Variants in LRRK2 observed in about 807,000 individuals in gnomAD.
LRRK2 encodes the protein leucine rich repeat kinase 2, also known as leucine-rich repeat serine/threonine-protein kinase 2.
LRRK2 carries 203 observed loss-of-function variants against 302.6 expected under a neutral mutation model. The observed-to-expected ratio is 0.67, with a 90% CI of 0.60 to 0.75. The LOEUF (loss-of-function observed/expected upper bound fraction) is 0.75. Among genes scored for constraint, LRRK2 ranks in the 30% least tolerant of loss-of-function variants. LRRK2 has a pLI of 0.00. For missense variants in LRRK2, 2,830 were observed against 2,951.0 expected (o/e 0.96, Z 0.95); for synonymous variants, 1,066 against 1,031.9 (o/e 1.03, Z -0.63).
At chr12:40,247,604 A>G (rs1381971058) in intron 7 of LRRK2, among the ~76,000 whole-genome samples, 1 of 145,704 alleles carries the variant, frequency 6.9e-6, no homozygotes, top group African/African-American at 2.5e-5. Context: ...ATAAATATAC[A>G]TATTTATACA....
intron 25 of LRRK2, 82 bp downstream of exon 25, chr12:40,299,339 G>T: frequency 6.9e-7 from 1 of 1,458,106 alleles, no homozygotes; most frequent in South Asian, 1.2e-5. Context: ...TTTAGTTGTG[G>T]ATTTAAAAGT....
At chr12:40,326,657 G>A (rs751725853) in intron 38 of LRRK2, among the ~76,000 whole-genome samples, 1 of 151,910 alleles carries the variant, frequency 6.6e-6, no homozygotes, top group South Asian at 2.1e-4. Context: ...CTCTCCGACC[G>A]ATTCTCTCCC....
At chr12:40,292,032 C>T (rs1453828670) in intron 20 of LRRK2, among the ~76,000 whole-genome samples, 3 of 152,070 alleles carry the variant, frequency 2.0e-5, no homozygotes, top group Non-Finnish European at 4.4e-5. Context: ...TAGCGCAGAT[C>T]TTCCAGAAAC....
intron 14 of LRRK2, among the ~76,000 whole-genome samples, chr12:40,267,392 A>G (rs1035130301): frequency 6.6e-6 from 1 of 152,210 alleles, no homozygotes; most frequent in African/African-American, 2.4e-5. Flanking sequence ...ACATAGTTTA[A>G]GTACGTAGAG....
At chr12:40,272,270 T>G (rs529767333) in intron 14 of LRRK2, among the ~76,000 whole-genome samples, 1 of 152,048 alleles carries the variant, frequency 6.6e-6, no homozygotes, top group African/African-American at 2.4e-5. Flanking sequence ...ACAATCTGAC[T>G]TTTTTTTGTA....
intron 8 of LRRK2, among the ~76,000 whole-genome samples, chr12:40,251,011 T>TTG (rs1186227311): frequency 6.6e-6 from 1 of 151,662 alleles, no homozygotes; most frequent in Non-Finnish European, 1.5e-5. Context: ...GGTTTTTTTT[T>TTG]TTTTTGGTAC....
In LRRK2 at chr12:40,360,673, A is replaced by G. The variant is rs186907229; in HGVS notation, c.7028+1229A>G. On this transcript the variant is annotated intron_variant, in intron 47 of 50. Transcript: ENST00000298910. ...TGGTATCCCATTGTCCTTTATATGAAGTCCAAATTCCTTAAGACAGCCTAC... is the reference window on the plus strand; with the variant it reads ...TGGTATCCCATTGTCCTTTATATGAGGTCCAAATTCCTTAAGACAGCCTAC... Among the ~76,000 whole-genome samples the G allele has an allele frequency of 1.2e-3, 190 of 152,254 alleles. 1 individual carries two copies. The highest frequency in any genetic ancestry group is 4.1e-3 in the African/African-American group (170 of 41,562).
At chr12:40,364,806 G>T in intron 48 of LRRK2, 36 bp from the exon 49 acceptor site, 1 of 1,451,626 alleles carries the variant, frequency 6.9e-7, no homozygotes, top group East Asian at 2.3e-5. Context: ...CTCTTAATTG[G>T]TGGTAAAATT....
chr12:40,240,704 T>TA, intron 6 of LRRK2, 87 bp downstream of exon 6: 1 of 1,319,214 alleles, frequency 7.6e-7, no homozygotes, highest in Non-Finnish European at 1.1e-6. Context: ...AATATTTTTA[T>TA]TATTTAGAAA....
intron 31 of LRRK2, 111 bp downstream of exon 31, chr12:40,310,760 T>G: frequency 9.7e-7 from 1 of 1,029,708 alleles, no homozygotes; most frequent in Non-Finnish European, 1.5e-6. Context: ...TTTTCTTTCC[T>G]TGTTGCTGTT....
intron 43 of LRRK2, among the ~76,000 whole-genome samples, chr12:40,349,259 C>T (rs1299976902): frequency 2.0e-5 from 3 of 152,142 alleles, no homozygotes; most frequent in Non-Finnish European, 4.4e-5. Context: ...TTCCACTGAT[C>T]AACTCATTTA....
chr12:40,329,647 A>C (rs1427508307), intron 39 of LRRK2, among the ~76,000 whole-genome samples: 1 of 152,144 alleles, frequency 6.6e-6, no homozygotes, highest in Non-Finnish European at 1.5e-5. Flanking sequence ...TCCAAATATC[A>C]AAGTCAAATG....
intron 49 of LRRK2, chr12:40,366,786 C>T (rs1946892229): frequency 4.3e-6 from 2 of 469,514 alleles, no homozygotes; most frequent in East Asian, 4.0e-5. Context: ...CTCAGACTCA[C>T]ATAATTAAGA....
intron 42 of LRRK2, among the ~76,000 whole-genome samples, chr12:40,348,124 C>T (rs1261916105): frequency 3.9e-5 from 6 of 151,944 alleles, no homozygotes; most frequent in African/African-American, 1.5e-4. Context: ...AAAGTGTTTC[C>T]AAAGTCTATT....
Position 40,363,565 on chromosome 12 carries a change from T to G in LRRK2, c.7181+11T>G. ...CGTGCACTTTTTAAGGTAAATTCTG[T>G]GGTTTTTAATTTTATTCCCAAAAGA... On this transcript the variant is annotated intron_variant, in intron 48 of 50. Transcript: ENST00000298910. 6.2e-7 allele frequency: 1 copy of G among 1,610,256 alleles called. No individual in the cohort carries two copies. Among genetic ancestry groups the G allele is most frequent in the South Asian group, 1.1e-5 (1 of 90,978 alleles).
Position 40,322,422 on chromosome 12 carries a change from G to T in LRRK2, c.5421G>T (p.Leu1807=). Reference sequence around the variant, plus strand: ...ATATTTGTGGTGAAGGAGAAACTCTGTTGAAGAAATGGGCATTATATAGTT... The same window carrying T: ...ATATTTGTGGTGAAGGAGAAACTCTTTTGAAGAAATGGGCATTATATAGTT... ...EIDICGEGET[L]LKKWALYSFN... The change falls in exon 37 of 51, where the codon CTG becomes CTT. Residue 1807 remains leucine, a synonymous_variant. Transcript: ENST00000298910. The T allele has an allele frequency of 6.2e-7, 1 of 1,613,368 alleles. No individual in the cohort carries two copies. The highest frequency in any genetic ancestry group is 8.5e-7 in the Non-Finnish European group (1 of 1,179,496).
chr12:40,308,879 G>A (rs1944929625), intron 29 of LRRK2, among the ~76,000 whole-genome samples, 183 bp downstream of exon 29: 1 of 152,184 alleles, frequency 6.6e-6, no homozygotes, highest in Non-Finnish European at 1.5e-5. Context: ...GGAGGGATAT[G>A]TTAGGAACAA....
chr12:40,267,396 C>T (rs553617439), intron 14 of LRRK2, among the ~76,000 whole-genome samples: 48 of 152,148 alleles, frequency 3.2e-4, no homozygotes, highest in Middle Eastern at 6.8e-3. Flanking sequence ...AGTTTAAGTA[C>T]GTAGAGGAGG....
In LRRK2 at chr12:40,263,839, A is replaced by G. The variant is rs764596137; in HGVS notation, c.1594A>G (p.Met532Val). Residue 532 changes from methionine (M) to valine (V), a missense_variant, in exon 14 of 51, where the codon ATG becomes GTG. Physicochemically the swap from Met to Val is conservative, Grantham distance 21. Transcript: ENST00000298910. Reference sequence around the variant, plus strand: ...TACAGAATTTCATCATAAGCTAAATATGGTTAAAAAACAGTGTTTCAAGAA... The same window carrying G: ...TACAGAATTTCATCATAAGCTAAATGTGGTTAAAAAACAGTGTTTCAAGAA... ...EDTEFHHKLNMVKKQCFKNDI... is the reference protein window; with the variant it reads ...EDTEFHHKLNVVKKQCFKNDI... The G allele has an allele frequency of 1.2e-6, 2 of 1,613,186 alleles. No homozygotes were observed. Among genetic ancestry groups the G allele is most frequent in the African/African-American group, 2.7e-5 (2 of 74,916 alleles).
Sources: allele counts gnomAD v4.1 joint callset (sites outside exome capture counted in the v4.1 genomes callset), GRCh38; gene constraint gnomAD v4.1.1; transcripts MANE v1.5; gene names NCBI Gene and HGNC (gene_info 2026-07-23, HGNC 2026-07-21).